The following HHAT variants were observed in gnomAD, a reference collection of about 807,000 sequenced individuals.
HHAT encodes hedgehog acyltransferase, also known as protein-cysteine N-palmitoyltransferase HHAT.
Under a neutral mutation model 70.8 loss-of-function variants are expected in HHAT, and 47 were observed. The ratio of observed to expected loss-of-function variants is 0.66; its 90% confidence interval spans 0.53 to 0.85. The LOEUF is 0.85. HHAT is among the 40% of genes least tolerant of loss of function. The pLI, the probability that HHAT is intolerant of heterozygous loss-of-function variation, is 0.00. For missense variants in HHAT, 609 were observed against 604.8 expected (o/e 1.01, Z -0.07); for synonymous variants, 228 against 247.6 (o/e 0.92, Z 0.74).
intron 11 of HHAT, 30 bp downstream of exon 11, chr1:210,623,700 C>CA: frequency 1.2e-6 from 2 of 1,605,698 alleles, no homozygotes; most frequent in Non-Finnish European, 1.7e-6. Context: ...TGTTTTCAGT[C>CA]AGTTTCTTGT....
At chr1:210,442,933 A>G (rs1379196018) in intron 7 of HHAT, among the ~76,000 whole-genome samples, 2 of 151,980 alleles carry the variant, frequency 1.3e-5, no homozygotes, top group South Asian at 2.1e-4. Context: ...GCCCATGCCT[A>G]TGTCCTGAAT....
At chr1:210,614,800 C>G (rs1573744540) in intron 10 of HHAT, among the ~76,000 whole-genome samples, 1 of 152,190 alleles carries the variant, frequency 6.6e-6, no homozygotes, top group African/African-American at 2.4e-5. Flanking sequence ...TTTTCTTAAT[C>G]CAGCCTATCA....
chr1:210,424,266 T>TC (rs1186468934), intron 7 of HHAT, among the ~76,000 whole-genome samples: 1 of 152,208 alleles, frequency 6.6e-6, no homozygotes, highest in Admixed American at 6.5e-5. Context: ...ACCTCCTTAG[T>TC]TATTTCACAT....
intron 3 of HHAT, among the ~76,000 whole-genome samples, chr1:210,367,834 A>T (rs10489386): frequency 0.11 from 17,105 of 151,614 alleles, 1,251 homozygotes; most frequent in East Asian, 0.27. Flanking sequence ...GGCTGTTCAG[A>T]CTCCATATGC....
At chr1:210,545,051 C>T (rs984205420) in intron 9 of HHAT, among the ~76,000 whole-genome samples, 3 of 151,940 alleles carry the variant, frequency 2.0e-5, no homozygotes, top group African/African-American at 4.8e-5. Flanking sequence ...TCCTCCTACC[C>T]GTTCTCCATA....
intron 11 of HHAT, among the ~76,000 whole-genome samples, chr1:210,645,731 G>A (rs758429695): frequency 1.2e-4 from 19 of 152,112 alleles, no homozygotes; most frequent in Non-Finnish European, 2.2e-4. Context: ...TCTGGGACTC[G>A]ATCATGCTTG....
At chr1:210,541,079 A>T (rs1406467808) in intron 9 of HHAT, among the ~76,000 whole-genome samples, 3 of 152,160 alleles carry the variant, frequency 2.0e-5, no homozygotes, top group Non-Finnish European at 4.4e-5. Flanking sequence ...GAGCTCAGGC[A>T]ATACGCCTGC....
chr1:210,585,359 A>G (rs1236561090), intron 9 of HHAT, among the ~76,000 whole-genome samples: 1 of 151,736 alleles, frequency 6.6e-6, no homozygotes, highest in Non-Finnish European at 1.5e-5. Flanking sequence ...TGAAGCAGTA[A>G]AAAAAAAATT....
rs1399484954 is a variant in HHAT, at chr1:210,329,061, C to T, written c.-87C>T. Reference sequence around the variant, plus strand: ...AAAGAGGGGTGTTGGGAACTCGCGGCGCGCGTGAACGTTGCCGTCGCCGCC... The same window carrying T: ...AAAGAGGGGTGTTGGGAACTCGCGGTGCGCGTGAACGTTGCCGTCGCCGCC... On this transcript the variant is annotated 5_prime_UTR_variant, in exon 1 of 12. Coordinates refer to ENST00000261458, the MANE Select transcript of HHAT (RefSeq NM_018194.6). 1.6e-5 allele frequency: 23 copies of T among 1,426,680 alleles called. No individual in the cohort carries two copies. Among genetic ancestry groups the T allele is most frequent in the East Asian group, 1.5e-4 (5 of 33,054 alleles). 88.4% of individuals were successfully genotyped at this position (1,426,680 alleles called of 1,614,324 possible).
intron 11 of HHAT, among the ~76,000 whole-genome samples, chr1:210,624,659 T>C (rs1415904228): frequency 6.6e-6 from 1 of 152,230 alleles, no homozygotes; most frequent in Non-Finnish European, 1.5e-5. Flanking sequence ...ACTGCTACTA[T>C]GTGGGAGTTG....
intron 10 of HHAT, among the ~76,000 whole-genome samples, chr1:210,616,350 T>C (rs184492642): frequency 1.9e-4 from 28 of 150,904 alleles, no homozygotes; most frequent in African/African-American, 6.8e-4. Context: ...CACCCCCTTT[T>C]CCCCCAGGGC....
At chr1:210,624,197 C>T (rs1310077630) in intron 11 of HHAT, among the ~76,000 whole-genome samples, 1 of 152,112 alleles carries the variant, frequency 6.6e-6, no homozygotes, top group African/African-American at 2.4e-5. Flanking sequence ...ATAGGATGCT[C>T]AGCCTCCTCA....
At chr1:210,653,903 C>CA (rs1675721748) in intron 11 of HHAT, among the ~76,000 whole-genome samples, 3 of 1,038 alleles carry the variant, frequency 2.9e-3, no homozygotes, top group Non-Finnish European at 5.2e-3. Context: ...AATAGTGTGA[C>CA]GGGAATAGTG....
intron 10 of HHAT, 90 bp downstream of exon 10, chr1:210,588,189 C>G: frequency 9.3e-7 from 1 of 1,073,202 alleles, no homozygotes; most frequent in Non-Finnish European, 1.3e-6. Context: ...TCCCTGCCCC[C>G]ACTATGGGCC....
intron 9 of HHAT, among the ~76,000 whole-genome samples, chr1:210,564,117 C>G (rs1402496787): frequency 3.3e-5 from 3 of 92,250 alleles, no homozygotes; most frequent in Non-Finnish European, 6.9e-5. Flanking sequence ...CCATGCCCAA[C>G]TATTTTTTTT....
intron 8 of HHAT, among the ~76,000 whole-genome samples, chr1:210,493,324 G>T (rs943979584): frequency 4.6e-5 from 7 of 152,112 alleles, no homozygotes; most frequent in Non-Finnish European, 8.8e-5. Flanking sequence ...TGCAGGGCAG[G>T]CTGGCAGACT....
chr1:210,659,315 C>G (rs1677142582), intron 11 of HHAT, among the ~76,000 whole-genome samples: 1 of 152,140 alleles, frequency 6.6e-6, no homozygotes, highest in Admixed American at 6.5e-5. Context: ...CACCTCTATG[C>G]AAATAAACTA....
intron 9 of HHAT, among the ~76,000 whole-genome samples, chr1:210,548,637 C>T (rs2095503614): frequency 2.0e-5 from 3 of 152,010 alleles, no homozygotes; most frequent in Non-Finnish European, 4.4e-5. Flanking sequence ...AGGCTAGTTA[C>T]CTAATTATTT....
chr1:210,327,933 G>C (rs1571599201), upstream of HHAT, among the ~76,000 whole-genome samples: 1 of 152,152 alleles, frequency 6.6e-6, no homozygotes, highest in African/African-American at 2.4e-5. Context: ...GAGTGGGTTG[G>C]GGGGAAGCAG....
Sources: gnomAD v4.1 joint callset for allele counts (sites outside exome capture counted in the v4.1 genomes callset) on GRCh38, gnomAD v4.1.1 for gene constraint, MANE v1.5 for transcripts, NCBI Gene and HGNC (gene_info 2026-07-23, HGNC 2026-07-21) for gene names.